Variants in TFEC observed in about 807,000 individuals in gnomAD.
TFEC encodes class E basic helix-loop-helix protein 34.
Under a neutral mutation model 41.6 loss-of-function variants are expected in TFEC, and 31 were observed. The ratio of observed to expected loss-of-function variants is 0.74; its 90% CI spans 0.56 to 1.01. TFEC has a LOEUF of 1.01. Ranked by LOEUF, TFEC falls within the 50% of genes least tolerant of loss-of-function variation. The pLI is 0.00. For missense variants in TFEC, 402 were observed against 404.1 expected (o/e 0.99, Z 0.04); for synonymous variants, 143 against 140.6 (o/e 1.02, Z -0.12).
At chr7:116,002,803 AT>A (rs1260145742) in intron 1 of TFEC, among the ~76,000 whole-genome samples, 9 of 152,168 alleles carry the variant, frequency 5.9e-5, no homozygotes, top group African/African-American at 2.2e-4. Context: ...CCCCTGTTAC[AT>A]ACTCACAAAC....
chr7:116,036,909 A>G (rs1795924649), intron 3 of TFEC, among the ~76,000 whole-genome samples: 1 of 152,072 alleles, frequency 6.6e-6, no homozygotes, highest in African/African-American at 2.4e-5. Context: ...CTTGGTTTCC[A>G]AAGTCAAACA....
At chr7:115,955,809 T>C (rs1792193420) in intron 4 of TFEC, among the ~76,000 whole-genome samples, 1 of 152,086 alleles carries the variant, frequency 6.6e-6, no homozygotes, top group Non-Finnish European at 1.5e-5. Flanking sequence ...AATGTATTTA[T>C]TTAAAACTAT....
chr7:116,082,775 T>C (rs746838707), intron 3 of TFEC, among the ~76,000 whole-genome samples: 2 of 152,098 alleles, frequency 1.3e-5, no homozygotes, highest in South Asian at 4.1e-4. Flanking sequence ...TATGTATGTA[T>C]AGCACCTACA....
intron 1 of TFEC, among the ~76,000 whole-genome samples, chr7:115,999,844 C>CAAAA (rs71137145): frequency 7.6e-6 from 1 of 131,216 alleles, no homozygotes; most frequent in Non-Finnish European, 1.6e-5. Flanking sequence ...AGTCTCCTAG[C>CAAAA]AAAAAAAAAA....
chr7:116,089,073 G>T (rs1166468015), intron 3 of TFEC, among the ~76,000 whole-genome samples: 1 of 152,034 alleles, frequency 6.6e-6, no homozygotes, highest in Non-Finnish European at 1.5e-5. Flanking sequence ...CCATGCCACT[G>T]TTTCATTATT....
At chr7:116,068,000 T>C (rs1436250702) in intron 3 of TFEC, among the ~76,000 whole-genome samples, 1 of 151,802 alleles carries the variant, frequency 6.6e-6, no homozygotes, top group African/African-American at 2.4e-5. Context: ...TCTATCTCTC[T>C]GATATATCTA....
chr7:116,016,839 T>G (rs1371795178), intron 1 of TFEC, among the ~76,000 whole-genome samples: 1 of 152,060 alleles, frequency 6.6e-6, no homozygotes, highest in Non-Finnish European at 1.5e-5. Flanking sequence ...TCTACCTATC[T>G]CTCTATATAA....
rs569480964 is a variant in TFEC at position 116,062,225 on chromosome 7, C to CTTTTT, written c.198+48478_198+48482dup. On this transcript the variant is annotated intron_variant, in intron 3 of 8. Coordinates refer to the TFEC transcript ENST00000484212. ...ACAGGCATGTGCCAACATGCCTGGC[C>CTTTTT]TTTTTTTTTTTTTTTTTTTTTTTTT... 3.0e-3 allele frequency among the ~76,000 whole-genome samples: 157 copies of CTTTTT among 51,908 alleles called. 11 individuals are homozygous for CTTTTT. Among genetic ancestry groups the CTTTTT allele is most frequent in the East Asian group, 6.0e-3 (7 of 1,160 alleles). The allele number at this position is 51,908 out of a possible 152,430, so 34.1% of individuals were successfully genotyped here.
intron 1 of TFEC, among the ~76,000 whole-genome samples, chr7:116,158,614 A>G (rs191960843): frequency 6.6e-6 from 1 of 152,246 alleles, no homozygotes; most frequent in Non-Finnish European, 1.5e-5. Context: ...TATCCAAAGG[A>G]AAAAATTTGA....
chr7:116,046,173 G>A lies in TFEC; in HGVS notation c.199-61660C>T, dbSNP rs1283720853. Among the ~76,000 whole-genome samples the A allele has an allele frequency of 2.0e-5, 3 of 152,118 alleles. No homozygotes were observed. In the East Asian group the frequency reaches 5.8e-4, roughly 29 times the overall value. ...TAATGTTGAAATAAGGTAAGAGTTT[G>A]GGGGACTGCTGGGAAGGCATAATTG... On this transcript the variant is annotated intron_variant, in intron 3 of 8. Coordinates refer to the TFEC transcript ENST00000484212.
In TFEC at chr7:115,942,044, T is replaced by C. The variant is rs1793533808; in HGVS notation, c.516-4A>G. The C allele has an allele frequency of 3.7e-6, 6 of 1,606,596 alleles. No individual in the cohort carries two copies. Among genetic ancestry groups the C allele is most frequent in the Non-Finnish European group, 5.1e-6 (6 of 1,176,128 alleles). On this transcript the variant is annotated splice_region_variant and splice_polypyrimidine_tract_variant and intron_variant, in intron 6 of 7. Transcript: ENST00000265440. ...TCCTTTGTTCCAGCGCATATCACTG[T>C]AGAATGGAGAGATAACCTTTTCACA...
chr7:115,992,242 CAA>C (rs1429514935), intron 1 of TFEC, among the ~76,000 whole-genome samples: 4 of 152,082 alleles, frequency 2.6e-5, no homozygotes, highest in East Asian at 1.9e-4. Flanking sequence ...TAAATGCCCA[CAA>C]GAGAGAGCAG....
At chr7:116,131,024 T>C (rs1206818498) in intron 1 of TFEC, among the ~76,000 whole-genome samples, 1 of 152,222 alleles carries the variant, frequency 6.6e-6, no homozygotes, top group Non-Finnish European at 1.5e-5. Context: ...ATGGATGAAC[T>C]TTCCTTTTAC....
chr7:116,118,259 T>C (rs1224675884), intron 1 of TFEC, among the ~76,000 whole-genome samples: 2 of 151,906 alleles, frequency 1.3e-5, no homozygotes, highest in East Asian at 1.9e-4. Flanking sequence ...AAAACCGTTT[T>C]CAACATTTAG....
At chr7:115,987,827 G>C (rs1420971700) in intron 1 of TFEC, among the ~76,000 whole-genome samples, 2 of 151,818 alleles carry the variant, frequency 1.3e-5, no homozygotes, top group African/African-American at 2.4e-5. Context: ...GAAAGAATGA[G>C]TCATTAGAGT....
intron 2 of TFEC, among the ~76,000 whole-genome samples, chr7:115,975,466 G>T (rs1793337980): frequency 6.6e-6 from 1 of 152,080 alleles, no homozygotes; most frequent in African/African-American, 2.4e-5. Flanking sequence ...GAACTTAAGA[G>T]AATTGAGTGT....
chr7:116,090,391 C>G (rs1207947640), intron 3 of TFEC, among the ~76,000 whole-genome samples: 1 of 152,134 alleles, frequency 6.6e-6, no homozygotes, highest in Non-Finnish European at 1.5e-5. Flanking sequence ...GGCCTGCTCC[C>G]ACACTGTGGA....
intron 3 of TFEC, among the ~76,000 whole-genome samples, chr7:116,101,669 T>C (rs1797608111): frequency 6.8e-6 from 1 of 147,108 alleles, no homozygotes; most frequent in Non-Finnish European, 1.5e-5. Flanking sequence ...GATACGTTGA[T>C]TGCAGAAAAG....
intron 3 of TFEC, among the ~76,000 whole-genome samples, chr7:116,055,515 GTTTTCATATTATGGAC>G (rs1039058704): frequency 6.6e-6 from 1 of 151,822 alleles, no homozygotes; most frequent in African/African-American, 2.4e-5. Flanking sequence ...GACCCTAAGT[GTTTTCATATTATGGAC>G]TTTTCCTGTG....
Sources: allele counts gnomAD v4.1 joint callset (sites outside exome capture counted in the v4.1 genomes callset), GRCh38; gene constraint gnomAD v4.1.1; transcripts MANE v1.5; gene names NCBI Gene and HGNC (gene_info 2026-07-23, HGNC 2026-07-21).